Variants in CCDC17 observed in about 807,000 individuals in gnomAD.
The protein encoded by CCDC17 is coiled-coil domain-containing protein 17.
CCDC17 carries 79 observed loss-of-function variants against 68.0 expected under a neutral mutation model. That is an observed-to-expected ratio of 1.16 (90% CI 0.97 to 1.40). The LOEUF (loss-of-function observed/expected upper bound fraction) is 1.40, where lower values mean the gene tolerates loss of function less well. Ranked by LOEUF, CCDC17 falls within the 40% of genes most tolerant of loss-of-function variation. The probability of loss-of-function intolerance (pLI) is 0.00; values close to 1 mark genes in which losing one functional copy is unlikely to be tolerated. For missense variants in CCDC17, 846 were observed against 811.5 expected (o/e 1.04, Z -0.52); for synonymous variants, 376 against 337.5 (o/e 1.11, Z -1.25).
chr1:45,623,017 C>G lies in CCDC17; in HGVS notation c.594G>C (p.Gly198=), dbSNP rs771375417. ...QEIRELQAEA[G]RTRGALEVLG... ...ACACCTCTAGAGCTCCCCGCGTCCT[C>G]CCGGCCTCAGCTTGTAGTTCTCGAA... The change falls in exon 4 of 13, where the codon GGG becomes GGC. Residue 198 remains glycine (G), a synonymous_variant. Coordinates refer to ENST00000528266, the MANE Select transcript of CCDC17 (RefSeq NM_001114938.3). The G allele has an allele frequency of 7.4e-6, 12 of 1,612,812 alleles. No individual in the cohort carries two copies. The South Asian group carries it at 1.3e-4, about 18-fold the overall frequency.
chr1:45,622,405 G>T, intron 6 of CCDC17, 57 bp from the exon 7 acceptor site: 2 of 1,518,314 alleles, frequency 1.3e-6, no homozygotes, highest in South Asian at 1.2e-5. Context: ...GCCGCGTCCG[G>T]CTGTGAGCAG....
In CCDC17 at chr1:45,620,830, C is replaced by G; in HGVS notation, c.1603G>C (p.Gly535Arg). 6.2e-7 allele frequency: 1 copy of G among 1,610,950 alleles called. No individual in the cohort carries two copies. The highest frequency in any genetic ancestry group is 8.5e-7 in the Non-Finnish European group (1 of 1,178,528). ...AGCCGCAGAAAGAGCTCAGCCTGAC[C>G]TGCCTGGGGAGAGATGAAATGGTAT... ...LGQLNGIPQAGQAELFLRLVN... is the reference protein window; with the variant it reads ...LGQLNGIPQARQAELFLRLVN... Residue 535 changes from glycine to arginine, a missense_variant, in exon 12 of 13, where the codon GGT (glycine) becomes CGT (arginine). Transcript: ENST00000528266.
chr1:45,623,975 AGAG>A lies in CCDC17; in HGVS notation c.-69_-67del. On this transcript the variant is annotated 5_prime_UTR_variant, in exon 1 of 13. Coordinates refer to ENST00000528266, the MANE Select transcript of CCDC17 (RefSeq NM_001114938.3). ...AAGGGATCAAGGGCAGGGGAAAGGC[AGAG>A]GAGGATGAAAGAGACATAAAGCCAG... 8.7e-7 allele frequency: 1 copy of A among 1,155,612 alleles called. No homozygotes were observed. Among genetic ancestry groups the A allele is most frequent in the East Asian group, 2.6e-5 (1 of 38,830 alleles). The allele number at this position is 1,155,612 out of a possible 1,614,324, so 71.6% of individuals were successfully genotyped here.
At chr1:45,621,558 C>T (rs1644256497) in intron 9 of CCDC17, 74 bp from the exon 10 acceptor site, 3 of 1,583,960 alleles carry the variant, frequency 1.9e-6, no homozygotes, top group Non-Finnish European at 2.6e-6. Flanking sequence ...GGTCCCTAAC[C>T]CTATCTGGTC....
rs1343969060 is a variant in CCDC17, at chr1:45,622,222, G to A, written c.967+19C>T. ...GGGAGAGATAAGTGGGATGGGATAGGGTTGGGGTGCTCACTGACCCAAGGG... is the reference window on the plus strand; with the variant it reads ...GGGAGAGATAAGTGGGATGGGATAGAGTTGGGGTGCTCACTGACCCAAGGG... On this transcript the variant is annotated intron_variant, in intron 7 of 12. Transcript: ENST00000528266. 5.6e-6 allele frequency: 9 copies of A among 1,602,148 alleles called. No homozygotes were observed. The highest frequency in any genetic ancestry group is 7.7e-6 in the Non-Finnish European group (9 of 1,171,604).
At position 45,623,982 on chromosome 1, in the gene CCDC17, G is replaced by A; in HGVS notation, c.-73C>T. The A allele has an allele frequency of 2.8e-6, 3 of 1,069,176 alleles. No individual in the cohort carries two copies. The highest frequency in any genetic ancestry group is 4.0e-6 in the Non-Finnish European group (3 of 751,736). 66.2% of individuals were successfully genotyped at this position (1,069,176 alleles called of 1,614,324 possible). On this transcript the variant is annotated 5_prime_UTR_variant, in exon 1 of 13. Transcript: ENST00000528266. ...CAAGGGCAGGGGAAAGGCAGAGGAG[G>A]ATGAAAGAGACATAAAGCCAGAGGC...
Position 45,623,327 on chromosome 1 carries a change from G to A in CCDC17, c.383C>T (p.Ser128Phe). ...CTCGCTGGGGCTTCCCACCGCCTCG[G>A]ACATGGGACTCTGAGGCCGCGCCTC... ...RSEARPQSPM[S>F]EAVGSPSERL... Residue 128 changes from serine (S) to phenylalanine (F), a missense_variant, in exon 3 of 13, where the codon TCC becomes TTC. Coordinates refer to ENST00000528266, the MANE Select transcript of CCDC17 (RefSeq NM_001114938.3). 1 of 1,550,588 alleles carries A rather than the reference G, an allele frequency of 6.4e-7. No individual in the cohort carries two copies. Among genetic ancestry groups the A allele is most frequent in the Non-Finnish European group, 8.7e-7 (1 of 1,146,970 alleles).
chr1:45,623,818 T>C lies in CCDC17; in HGVS notation c.92A>G (p.Gln31Arg), dbSNP rs1644368142. ...RSSALLATHTQRFCIGHPTQE... is the reference protein window; with the variant it reads ...RSSALLATHTRRFCIGHPTQE... ...GGTCGGGTGGCCAATGCAGAAGCGC[T>C]GAGTATGGGTGGCTAACAGAGCTGA... The change falls in exon 1 of 13, where the codon CAG (glutamine) becomes CGG (arginine). Residue 31 changes from glutamine (Q) to arginine (R), a missense_variant. Physicochemically the swap from Gln to Arg is conservative, Grantham distance 43. Coordinates refer to ENST00000528266, the MANE Select transcript of CCDC17 (RefSeq NM_001114938.3). The C allele has an allele frequency of 6.4e-7, 1 of 1,551,552 alleles. No individual in the cohort carries two copies. Among genetic ancestry groups the C allele is most frequent in the African/African-American group, 1.4e-5 (1 of 73,148 alleles).
In CCDC17 at chr1:45,620,521, CACTT is replaced by C. The variant is rs201774625; in HGVS notation, c.1711-92_1711-89del. ...AGTTAGTTAGGCTTCCTTAGAGTCT[CACTT>C]ACTGTGAACCAAGTTAACCTGCTCC... On this transcript the variant is annotated intron_variant, in intron 12 of 12. Coordinates refer to ENST00000528266, the MANE Select transcript of CCDC17 (RefSeq NM_001114938.3). 4.1e-3 allele frequency: 6,035 copies of C among 1,470,266 alleles called. 121 individuals carry two copies. In the African/African-American group the frequency reaches 0.052, roughly 13 times the overall value. The allele number at this position is 1,470,266 out of a possible 1,614,324, so 91.1% of individuals were successfully genotyped here. A position where few individuals can be genotyped will look rare whatever the true frequency, so the allele number is the denominator to read the frequency against.
At position 45,621,115 on chromosome 1, in the gene CCDC17, T is replaced by C. The variant is rs1464137628; in HGVS notation, c.1389-2A>G. 19 of 1,613,304 alleles carry C rather than the reference T, an allele frequency of 1.2e-5. No homozygotes were observed. Among genetic ancestry groups the C allele is most frequent in the African/African-American group, 2.7e-5 (2 of 74,922 alleles). ...GATACTGATGATGAGGGTGGTAGTC[T>C]GTAGAATAACCAAAAAGCAGTGTCG... On this transcript the variant is annotated splice_acceptor_variant, in intron 10 of 12. Coordinates refer to ENST00000528266, the MANE Select transcript of CCDC17 (RefSeq NM_001114938.3). LOFTEE classifies it high-confidence loss of function.
Position 45,621,700 on chromosome 1 carries a change from G to A in CCDC17, c.1122C>T (p.Gly374=), listed in dbSNP as rs1644263967. The A allele has an allele frequency of 6.2e-7, 1 of 1,613,774 alleles. No individual in the cohort carries two copies. The highest frequency in any genetic ancestry group is 1.1e-5 in the South Asian group (1 of 91,050). ...TGGGCAGGAGGAAGTGTGAGTCCAGGCCCAGGTTTCTGGTCATTGTTCCAG... is the reference window on the plus strand; with the variant it reads ...TGGGCAGGAGGAAGTGTGAGTCCAGACCCAGGTTTCTGGTCATTGTTCCAG... The part of the protein sequence containing the change: ...QLPGTMTRNL[G]LDSHFLLPTS... The change falls in exon 9 of 13, where the codon GGC becomes GGT. Residue 374 remains glycine (G), a synonymous_variant. Transcript: ENST00000528266.
rs1644295749 is a variant in CCDC17 at position 45,622,339 on chromosome 1, C to T, written c.869G>A (p.Gly290Asp). The T allele has an allele frequency of 1.9e-6, 3 of 1,604,800 alleles. No individual in the cohort carries two copies. Among genetic ancestry groups the T allele is most frequent in the Non-Finnish European group, 2.5e-6 (3 of 1,177,208 alleles). The change falls in exon 7 of 13, where the codon GGT becomes GAT. Residue 290 changes from glycine to aspartate, a missense_variant. Coordinates refer to ENST00000528266, the MANE Select transcript of CCDC17 (RefSeq NM_001114938.3). ...TACTGGAAGCTCCCCTGAGGTGGCACCTGCCCTTCCTGCGATGAACAAGTG... is the reference window on the plus strand; with the variant it reads ...TACTGGAAGCTCCCCTGAGGTGGCATCTGCCCTTCCTGCGATGAACAAGTG... Reference protein sequence around the residue: ...QRSQTRRGRAGATSGELPVVE... With the variant: ...QRSQTRRGRADATSGELPVVE...
Position 45,621,626 on chromosome 1 carries a change from C to T in CCDC17, c.1184+12G>A, listed in dbSNP as rs760810886. On this transcript the variant is annotated intron_variant, in intron 9 of 12. Coordinates refer to ENST00000528266, the MANE Select transcript of CCDC17 (RefSeq NM_001114938.3). Reference sequence around the variant, plus strand: ...AAGTCACAGAGGCTGTCGAAGGTGGCACGGGCCTCACCCAGGATCATAGGG... The same window carrying T: ...AAGTCACAGAGGCTGTCGAAGGTGGTACGGGCCTCACCCAGGATCATAGGG... 3 of 1,612,532 alleles carry T rather than the reference C, an allele frequency of 1.9e-6. No homozygotes were observed. The Admixed American group carries it at 5.0e-5, about 27-fold the overall frequency.
chr1:45,621,064 G>C lies in CCDC17; in HGVS notation c.1438C>G (p.Gln480Glu), dbSNP rs757637580. 10 of 1,614,030 alleles carry C rather than the reference G, an allele frequency of 6.2e-6. No individual in the cohort carries two copies. Among genetic ancestry groups the C allele is most frequent in the Non-Finnish European group, 5.9e-6 (7 of 1,179,894 alleles). Residue 480 changes from glutamine (Q) to glutamate (E), a missense_variant, in exon 11 of 13, where the codon CAG becomes GAG. Physicochemically the swap from Gln to Glu is conservative, Grantham distance 29. Coordinates refer to ENST00000528266, the MANE Select transcript of CCDC17 (RefSeq NM_001114938.3). Reference protein sequence around the residue: ...VSLVCELQVWQGLAWARAPQP... With the variant: ...VSLVCELQVWEGLAWARAPQP... Reference sequence around the variant, plus strand: ...GGTGCCCTAGCCCATGCTAGCCCCTGCCAGACCTGCAGCTCACAGACCAAA... The same window carrying C: ...GGTGCCCTAGCCCATGCTAGCCCCTCCCAGACCTGCAGCTCACAGACCAAA...
rs781635850 is a variant in CCDC17, at chr1:45,620,852, G to A, written c.1600-19C>T. 6 of 1,610,462 alleles carry A rather than the reference G, an allele frequency of 3.7e-6. No individual in the cohort carries two copies. The highest frequency in any genetic ancestry group is 5.1e-6 in the Non-Finnish European group (6 of 1,178,272). On this transcript the variant is annotated intron_variant, in intron 11 of 12. Coordinates refer to ENST00000528266, the MANE Select transcript of CCDC17 (RefSeq NM_001114938.3). ...GACCTGCCTGGGGAGAGATGAAATG[G>A]TATTGCACTTGTACTTTGCTGTATG...
Position 45,622,759 on chromosome 1 carries a change from G to C in CCDC17, c.732C>G (p.Ala244=). The change falls in exon 5 of 13, where the codon GCC becomes GCG. Residue 244 remains alanine (A), a synonymous_variant. Transcript: ENST00000528266. ...CCGGCCCCGGCTCTCACCGGATTTCGGCAGCCAGAGTTCCCGGGTTGGCCT... is the reference window on the plus strand; with the variant it reads ...CCGGCCCCGGCTCTCACCGGATTTCCGCAGCCAGAGTTCCCGGGTTGGCCT... ...VQKANPGTLA[A]EIRALREAYI... 6.3e-7 allele frequency: 1 copy of C among 1,593,492 alleles called. No individual in the cohort carries two copies. The highest frequency in any genetic ancestry group is 8.5e-7 in the Non-Finnish European group (1 of 1,169,996).
rs764696784 is a variant in CCDC17, at chr1:45,622,000, G to A, written c.968-5C>T. 15 of 1,599,206 alleles carry A rather than the reference G, an allele frequency of 9.4e-6. No individual in the cohort carries two copies. The highest frequency in any genetic ancestry group is 1.7e-5 in the Admixed American group (1 of 57,310). ...GGAGTCGCAGATCCTGGGGCCCTAG[G>A]AGCAGAAGAGTTAGGGTGCCCCTAA... On this transcript the variant is annotated splice_region_variant and splice_polypyrimidine_tract_variant and intron_variant, in intron 7 of 12. Coordinates refer to ENST00000528266, the MANE Select transcript of CCDC17 (RefSeq NM_001114938.3).
In CCDC17 at chr1:45,622,799, T is replaced by A; in HGVS notation, c.692A>T (p.Tyr231Phe). 1 of 1,602,932 alleles carries A rather than the reference T, an allele frequency of 6.2e-7. No individual in the cohort carries two copies. The highest frequency in any genetic ancestry group is 8.5e-7 in the Non-Finnish European group (1 of 1,174,968). ...CGGGTTGGCCTTTTGCACTGGAGAA[T>A]AAAGTTCTGCCTCTCGCCGGGAGCT... ...PLSSRREAEL[Y>F]SPVQKANPGT... The change falls in exon 5 of 13, where the codon TAT (tyrosine) becomes TTT (phenylalanine). Residue 231 changes from tyrosine (Y) to phenylalanine (F), a missense_variant. By Grantham distance (22) the Tyr-to-Phe change is conservative. Transcript: ENST00000528266.
In CCDC17 at chr1:45,620,977, G is replaced by A. The variant is rs201008298; in HGVS notation, c.1525C>T (p.Arg509Cys). Reference sequence around the variant, plus strand: ...AGGGCCCGAAGTGGGAGGCGCCAGCGGCCACTTAGCACCCGCTGATCTTGG... The same window carrying A: ...AGGGCCCGAAGTGGGAGGCGCCAGCAGCCACTTAGCACCCGCTGATCTTGG... ...FDQDQRVLSG[R>C]WRLPLRALPL... The change falls in exon 11 of 13, where the codon CGC becomes TGC. Residue 509 changes from arginine (R) to cysteine (C), a missense_variant. Physicochemically the swap from Arg to Cys is radical, Grantham distance 180. Transcript: ENST00000528266. 2.7e-4 allele frequency: 440 copies of A among 1,613,676 alleles called. 1 individual carries two copies. The highest frequency in any genetic ancestry group is 6.2e-4 in the East Asian group (28 of 44,894).
Sources: allele counts gnomAD v4.1 joint callset, GRCh38; gene constraint gnomAD v4.1.1; transcripts MANE v1.5; gene names NCBI Gene and HGNC (gene_info 2026-07-23, HGNC 2026-07-21).